Variants in PIEZO2 observed in about 807,000 individuals in gnomAD.
The protein encoded by PIEZO2 is piezo-type mechanosensitive ion channel component 2.
PIEZO2 carries 172 observed loss-of-function variants against 337.3 expected under a neutral mutation model. The ratio of observed to expected loss-of-function variants is 0.51; its 90% CI spans 0.45 to 0.58. PIEZO2 has a LOEUF of 0.58. PIEZO2 is among the 20% of genes least tolerant of loss of function. PIEZO2 has a pLI of 0.00. For synonymous variants in PIEZO2, 1,251 were observed against 1,228.5 expected, an observed-to-expected ratio of 1.02 and a Z score of -0.38; for missense variants, 3,028 against 3,391.3, an observed-to-expected ratio of 0.89 and a Z score of 2.66.
At chr18:10,849,068 A>G (rs1051091833) in intron 7 of PIEZO2, among the ~76,000 whole-genome samples, 2 of 152,176 alleles carry the variant, frequency 1.3e-5, no homozygotes, top group Non-Finnish European at 2.9e-5. Flanking sequence ...GTGCAGTGAC[A>G]CGATCTCAGC....
intron 3 of PIEZO2, among the ~76,000 whole-genome samples, chr18:10,961,853 C>T (rs2033796260): frequency 6.6e-6 from 1 of 152,068 alleles, no homozygotes; most frequent in Non-Finnish European, 1.5e-5. Flanking sequence ...GCTCTTATAT[C>T]TAAGAGGAAA....
chr18:10,671,489 C>G lies in PIEZO2; in HGVS notation c.*38G>C. 6.4e-7 allele frequency: 1 copy of G among 1,568,682 alleles called. No individual in the cohort carries two copies. The highest frequency in any genetic ancestry group is 1.2e-5 in the South Asian group (1 of 84,134). Reference sequence around the variant, plus strand: ...GAATATTGTGCTTTTAAAAAAAATTCAAATGTTAACATTATTTGCAGTCTG... The same window carrying G: ...GAATATTGTGCTTTTAAAAAAAATTGAAATGTTAACATTATTTGCAGTCTG... On this transcript the variant is annotated 3_prime_UTR_variant, in exon 56 of 56. Coordinates refer to ENST00000674853, the MANE Select transcript of PIEZO2 (RefSeq NM_001378183.1).
chr18:11,139,175 G>C (rs62085273), intron 1 of PIEZO2, among the ~76,000 whole-genome samples: 57,056 of 152,018 alleles, frequency 0.38, 10,773 homozygotes, highest in East Asian at 0.46. Flanking sequence ...TCTGAGCTAT[G>C]TTCTATTATT....
At position 11,083,738 on chromosome 18, in the gene PIEZO2, C is replaced by A. The variant is rs533734113; in HGVS notation, c.65-17516G>T. On this transcript the variant is annotated intron_variant, in intron 1 of 55. Coordinates refer to ENST00000674853, the MANE Select transcript of PIEZO2 (RefSeq NM_001378183.1). The surrounding 1 kb of genome is among the most constrained non-coding windows in gnomAD (Gnocchi z 4.4). ...AAATTTGCAGAAATTGTCCTGAGAT[C>A]GGTAGGCTCTCCGAGGCTAGAGGCA... 1.3e-5 allele frequency among the ~76,000 whole-genome samples: 2 copies of A among 152,148 alleles called. No homozygotes were observed. The highest frequency in any genetic ancestry group is 2.9e-5 in the Non-Finnish European group (2 of 68,032).
intron 1 of PIEZO2, among the ~76,000 whole-genome samples, chr18:11,086,317 G>A (rs1178424394): frequency 1.3e-5 from 2 of 152,108 alleles, no homozygotes; most frequent in East Asian, 3.9e-4. Flanking sequence ...TCAGGAGATC[G>A]AGACCATCCT....
intron 29 of PIEZO2, among the ~76,000 whole-genome samples, chr18:10,749,074 T>C (rs1283901641): frequency 3.3e-5 from 5 of 152,126 alleles, no homozygotes; most frequent in African/African-American, 1.2e-4. Flanking sequence ...GTATCAATAG[T>C]ATGCCTTATC....
At chr18:10,972,291 AAGTTCTACAAT>A (rs2034274784) in intron 3 of PIEZO2, among the ~76,000 whole-genome samples, 1 of 152,160 alleles carries the variant, frequency 6.6e-6, no homozygotes, top group South Asian at 2.1e-4. Flanking sequence ...CTTTCTTCTA[AAGTTCTACAAT>A]GTAGGAAAGG....
Position 10,705,708 on chromosome 18 carries a change from C to T in PIEZO2, c.5627G>A (p.Gly1876Glu). Residue 1876 changes from glycine (G) to glutamate (E), a missense_variant, in exon 41 of 56, where the codon GGG (glycine) becomes GAG (glutamate). This residue lies in a region of PIEZO2 where 1,925 missense variants were observed against 2,051.9 expected (regional missense o/e 0.94). Transcript: ENST00000674853. ...CACCTCCTCGATGGTCTCAGTGGTC[C>T]CCTGGCGTGAGTACAGCATGGTACA... ...TQCTMLYSRQ[G>E]TTETIEEVEA... 6.5e-7 allele frequency: 1 copy of T among 1,536,234 alleles called. No individual in the cohort carries two copies. The highest frequency in any genetic ancestry group is 8.7e-7 in the Non-Finnish European group (1 of 1,146,564).
At chr18:10,968,725 T>G (rs1009772650) in intron 3 of PIEZO2, among the ~76,000 whole-genome samples, 3 of 151,982 alleles carry the variant, frequency 2.0e-5, no homozygotes, top group Admixed American at 6.5e-5. Context: ...TAAATCAATA[T>G]GCAAAACAGT....
chr18:10,683,729 G>T (rs895044737), intron 49 of PIEZO2, among the ~76,000 whole-genome samples: 1 of 152,156 alleles, frequency 6.6e-6, no homozygotes, highest in Non-Finnish European at 1.5e-5. Context: ...GGCAAATTTA[G>T]ATCATAGGCC....
At position 10,677,678 on chromosome 18, in the gene PIEZO2, G is replaced by T; in HGVS notation, c.8081+69C>A. The T allele has an allele frequency of 1.3e-6, 2 of 1,526,404 alleles. No homozygotes were observed. The highest frequency in any genetic ancestry group is 1.8e-6 in the Non-Finnish European group (2 of 1,124,440). The allele number at this position is 1,526,404 out of a possible 1,614,324, so 94.6% of individuals were successfully genotyped here. On this transcript the variant is annotated intron_variant, in intron 53 of 55. Coordinates refer to ENST00000674853, the MANE Select transcript of PIEZO2 (RefSeq NM_001378183.1). The surrounding 1 kb of genome is among the most constrained non-coding windows in gnomAD (Gnocchi z 4.1). ...TTGCATTCCTCATACACATGAATCT[G>T]TAGATGGACATTTTGTACCAGCTGC...
chr18:10,758,178 C>A, intron 26 of PIEZO2, 44 bp from the exon 27 acceptor site: 2 of 1,520,712 alleles, frequency 1.3e-6, no homozygotes, highest in South Asian at 2.4e-5. Context: ...TCATCCTCTT[C>A]TGATTTACAT....
rs1475296808 is a variant in PIEZO2 at position 11,080,494 on chromosome 18, G to A, written c.65-14272C>T. Among the ~76,000 whole-genome samples, 1 of 152,222 alleles carries A rather than the reference G, an allele frequency of 6.6e-6. No individual in the cohort carries two copies. Among genetic ancestry groups the A allele is most frequent in the African/African-American group, 2.4e-5 (1 of 41,458 alleles). On this transcript the variant is annotated intron_variant, in intron 1 of 55. Coordinates refer to ENST00000674853, the MANE Select transcript of PIEZO2 (RefSeq NM_001378183.1). This position sits in a 1 kb window ranked among gnomAD's most constrained non-coding sequence, Gnocchi z 5.4. ...ATAGTGCCTTGCACATAATAAGCCT[G>A]TGATGATAGTGCAGAATGAATAAAG...
chr18:11,093,699 G>T (rs2039172598), intron 1 of PIEZO2, among the ~76,000 whole-genome samples: 1 of 146,816 alleles, frequency 6.8e-6, no homozygotes, highest in South Asian at 2.2e-4. Flanking sequence ...CCATTCTCCT[G>T]CCTCAGGCTC....
Position 11,048,691 on chromosome 18 carries a change from A to G in PIEZO2, c.160+17436T>C, listed in dbSNP as rs184579553. On this transcript the variant is annotated intron_variant, in intron 2 of 55. Coordinates refer to ENST00000674853, the MANE Select transcript of PIEZO2 (RefSeq NM_001378183.1). This position sits in a 1 kb window ranked among gnomAD's most constrained non-coding sequence, Gnocchi z 4.5. ...AAAATGATAGTTTCAGGAATTATTC[A>G]GTAGCCTCTGTGTGTTTCTTAATTT... Among the ~76,000 whole-genome samples the G allele has an allele frequency of 8.0e-3, 1,219 of 152,332 alleles. 8 individuals carry two copies. The highest frequency in any genetic ancestry group is 0.013 in the Non-Finnish European group (854 of 68,028).
At chr18:10,904,750 AC>A (rs983105235) in intron 4 of PIEZO2, among the ~76,000 whole-genome samples, 5 of 152,244 alleles carry the variant, frequency 3.3e-5, no homozygotes, top group Non-Finnish European at 7.3e-5. Context: ...TCTGCAGCTG[AC>A]ATTTAATACG....
chr18:10,824,162 T>C lies in PIEZO2; in HGVS notation c.918-16888A>G, dbSNP rs139723602. Among the ~76,000 whole-genome samples the C allele has an allele frequency of 2.3e-4, 35 of 152,370 alleles. No individual in the cohort carries two copies. The highest frequency in any genetic ancestry group is 8.4e-4 in the African/African-American group (35 of 41,600). Reference sequence around the variant, plus strand: ...ATAGTCCATTTTAACTTCTGGGTAGTATTTCATTGCATAAATAAACCACAG... The same window carrying C: ...ATAGTCCATTTTAACTTCTGGGTAGCATTTCATTGCATAAATAAACCACAG... On this transcript the variant is annotated intron_variant, in intron 7 of 55. Transcript: ENST00000674853. The surrounding 1 kb of genome is among the most constrained non-coding windows in gnomAD (Gnocchi z 4.4).
chr18:10,795,077 A>G lies in PIEZO2; in HGVS notation c.1528-75T>C. Reference sequence around the variant, plus strand: ...TCCCCCCCGCCCTGGTAAGGTAAAAACTATCTAAAAAGAAAAGGTCATAAT... The same window carrying G: ...TCCCCCCCGCCCTGGTAAGGTAAAAGCTATCTAAAAAGAAAAGGTCATAAT... On this transcript the variant is annotated intron_variant, in intron 12 of 55. Coordinates refer to ENST00000674853, the MANE Select transcript of PIEZO2 (RefSeq NM_001378183.1). The surrounding 1 kb of genome is among the most constrained non-coding windows in gnomAD (Gnocchi z 4.4). 8.0e-7 allele frequency: 1 copy of G among 1,254,474 alleles called. No individual in the cohort carries two copies. Among genetic ancestry groups the G allele is most frequent in the Non-Finnish European group, 1.1e-6 (1 of 900,448 alleles). The allele number at this position is 1,254,474 out of a possible 1,614,324, so 77.7% of individuals were successfully genotyped here.
At chr18:10,914,613 G>T (rs1288333102) in intron 3 of PIEZO2, among the ~76,000 whole-genome samples, 1 of 151,788 alleles carries the variant, frequency 6.6e-6, no homozygotes. Flanking sequence ...AAATAATTTC[G>T]ATCTGAGGTC....
Sources: allele counts gnomAD v4.1 joint callset (sites outside exome capture counted in the v4.1 genomes callset), GRCh38; gene constraint gnomAD v4.1.1; regional missense constraint gnomAD v4.1.1; non-coding constraint Gnocchi (gnomAD v3.1); transcripts MANE v1.5; gene names NCBI Gene and HGNC (gene_info 2026-07-23, HGNC 2026-07-21).